The following CRACDL variants were observed in gnomAD, a reference collection of about 807,000 sequenced individuals.
CRACDL encodes CRACD-like protein.
In CRACDL, 26 loss-of-function variants were observed where a neutral mutation model predicts 70.6. The ratio of observed to expected loss-of-function variants is 0.37; its 90% CI spans 0.27 to 0.51. CRACDL has a LOEUF of 0.51. Among genes scored for constraint, CRACDL ranks in the 20% least tolerant of loss-of-function variants. The pLI is 0.94. For synonymous variants in CRACDL, 618 were observed against 615.2 expected (o/e 1.00, Z -0.07); for missense variants, 1,283 against 1,376.9 (o/e 0.93, Z 1.08).
rs369616356 is a variant in CRACDL, at chr2:98,797,447, C to T, written c.2507G>A (p.Gly836Glu). Residue 836 changes from glycine to glutamate, a missense_variant, in exon 8 of 10, where the codon GGG (glycine) becomes GAG (glutamate). Gly to Glu is a moderately conservative substitution (Grantham distance 98). Transcript: ENST00000397899. ...WITVTRQKRRGTLDQPPNQED... is the reference protein window; with the variant it reads ...WITVTRQKRRETLDQPPNQED... ...CTGGTTGGGTGGCTGGTCCAAGGTC[C>T]CCCTCCGCTTCTGCCGAGTGACGGT... 6.2e-7 allele frequency: 1 copy of T among 1,614,218 alleles called. No homozygotes were observed. The highest frequency in any genetic ancestry group is 8.5e-7 in the Non-Finnish European group (1 of 1,180,038).
chr2:98,815,365 C>A (rs1207919536), intron 7 of CRACDL, among the ~76,000 whole-genome samples: 1 of 152,210 alleles, frequency 6.6e-6, no homozygotes, highest in African/African-American at 2.4e-5. Context: ...CAGGGATGAG[C>A]CCAGAACTTC....
intron 1 of CRACDL, among the ~76,000 whole-genome samples, chr2:98,864,927 G>T (rs1375064283): frequency 2.0e-5 from 3 of 152,176 alleles, no homozygotes; most frequent in Non-Finnish European, 2.9e-5. Flanking sequence ...ATGAAATAAA[G>T]ACATTTTCAG....
chr2:98,869,731 C>A (rs1314956234), intron 1 of CRACDL, among the ~76,000 whole-genome samples: 5 of 152,198 alleles, frequency 3.3e-5, no homozygotes, highest in Non-Finnish European at 7.3e-5. Flanking sequence ...TGCGAGGGAC[C>A]CTGTGGGAGG....
At chr2:98,854,279 C>CAAAAAAA (rs1229198569) in intron 1 of CRACDL, among the ~76,000 whole-genome samples, 1 of 54,206 alleles carries the variant, frequency 1.8e-5, no homozygotes, top group African/African-American at 6.5e-5. Flanking sequence ...GACTCTGTCT[C>CAAAAAAA]AAAAAAAAAA....
In CRACDL at chr2:98,797,463, G is replaced by A. The variant is rs1236541210; in HGVS notation, c.2491C>T (p.Arg831Trp). The change falls in exon 8 of 10, where the codon CGG (arginine) becomes TGG (tryptophan). Residue 831 changes from arginine to tryptophan, a missense_variant. Physicochemically the swap from Arg to Trp is moderately radical, Grantham distance 101. Around this residue, in one of 2 missense-constraint regions of CRACDL, gnomAD observed 921 missense variants for 881.9 expected, o/e 1.04. Coordinates refer to ENST00000397899, the MANE Select transcript of CRACDL (RefSeq NM_207362.3). ...TCCAAGGTCCCCCTCCGCTTCTGCCGAGTGACGGTGATCCAGGGTGGCGCA... is the reference window on the plus strand; with the variant it reads ...TCCAAGGTCCCCCTCCGCTTCTGCCAAGTGACGGTGATCCAGGGTGGCGCA... Reference protein sequence around the residue: ...QPAPPWITVTRQKRRGTLDQP... With the variant: ...QPAPPWITVTWQKRRGTLDQP... 9.9e-6 allele frequency: 16 copies of A among 1,614,100 alleles called. No individual in the cohort carries two copies. The highest frequency in any genetic ancestry group is 2.7e-5 in the African/African-American group (2 of 74,938).
In CRACDL at chr2:98,822,925, C is replaced by T; in HGVS notation, c.1348G>A (p.Glu450Lys). The change falls in exon 7 of 10, where the codon GAG becomes AAG. Residue 450 changes from glutamate (E) to lysine (K), a missense_variant. Glu to Lys is a moderately conservative substitution (Grantham distance 56). This residue lies in a region of CRACDL where 921 missense variants were observed against 881.9 expected (regional missense o/e 1.04). Transcript: ENST00000397899. The surrounding 1 kb of genome is among the most constrained non-coding windows in gnomAD (Gnocchi z 4.9). ...EPTPPVLPDE[E>K]KGPPGPAPEP... ...GGCGCCGGCCCTGGGGGCCCCTTCT[C>T]CTCATCCGGGAGCACGGGCGGCGTC... 6.8e-7 allele frequency: 1 copy of T among 1,470,412 alleles called. No individual in the cohort carries two copies. Among genetic ancestry groups the T allele is most frequent in the Non-Finnish European group, 8.9e-7 (1 of 1,118,578 alleles). The allele number at this position is 1,470,412 out of a possible 1,614,324, so 91.1% of individuals were successfully genotyped here.
chr2:98,833,926 A>G (rs977641661), intron 3 of CRACDL, among the ~76,000 whole-genome samples: 5 of 152,176 alleles, frequency 3.3e-5, no homozygotes, highest in African/African-American at 9.7e-5. Context: ...GCCCTGTCCA[A>G]CTGTAGATCA....
intron 7 of CRACDL, among the ~76,000 whole-genome samples, chr2:98,805,920 T>A (rs1213553769): frequency 6.6e-6 from 1 of 152,226 alleles, no homozygotes; most frequent in Non-Finnish European, 1.5e-5. Flanking sequence ...CAACTCCACA[T>A]GGCAGAAAGA....
At chr2:98,812,776 ATATGTAGTTTGCCTATCTTT>A (rs1704628015) in intron 7 of CRACDL, among the ~76,000 whole-genome samples, 1 of 151,146 alleles carries the variant, frequency 6.6e-6, no homozygotes, top group East Asian at 1.9e-4. Context: ...CCTTTATAGG[ATATGTAGTTTGCCTATCTTT>A]TCTTGCAGTT....
chr2:98,916,863 G>A (rs759372582), intron 1 of CRACDL, among the ~76,000 whole-genome samples: 3 of 152,134 alleles, frequency 2.0e-5, no homozygotes, highest in South Asian at 4.1e-4. Flanking sequence ...GAGCCTACCC[G>A]GGGTCAGCAC....
Position 98,823,133 on chromosome 2 carries a change from C to T in CRACDL, c.1140G>A (p.Pro380=), listed in dbSNP as rs905422583. The change falls in exon 7 of 10, where the codon CCG becomes CCA. Residue 380 remains proline, a synonymous_variant. Transcript: ENST00000397899. The surrounding 1 kb of genome is among the most constrained non-coding windows in gnomAD (Gnocchi z 4.0). ...KQDGEAPPAG[P]CAPATDKAEE... is the part of the protein sequence containing the mutation. ...CCGCCTTGTCCGTGGCCGGGGCACACGGGCCTGCGGGGGGCGCCTCCCCAT... is the reference window on the plus strand; with the variant it reads ...CCGCCTTGTCCGTGGCCGGGGCACATGGGCCTGCGGGGGGCGCCTCCCCAT... 4 of 1,563,366 alleles carry T rather than the reference C, an allele frequency of 2.6e-6. No individual in the cohort carries two copies. Among genetic ancestry groups the T allele is most frequent in the Middle Eastern group, 1.7e-4 (1 of 5,878 alleles).
chr2:98,928,274 C>T (rs931211603), intron 1 of CRACDL, among the ~76,000 whole-genome samples: 3 of 152,158 alleles, frequency 2.0e-5, no homozygotes, highest in South Asian at 2.1e-4. Flanking sequence ...TGTATGTTAG[C>T]GCATATACGT....
intron 1 of CRACDL, among the ~76,000 whole-genome samples, chr2:98,921,206 A>C (rs1242773762): frequency 2.0e-5 from 3 of 152,212 alleles, no homozygotes; most frequent in African/African-American, 7.2e-5. Context: ...TCTCAGCCCC[A>C]GTCACAGAGC....
In CRACDL at chr2:98,798,443, CAAAAAAAA is replaced by C. The variant is rs70940125; in HGVS notation, c.2417-914_2417-907del. Among the ~76,000 whole-genome samples the C allele has an allele frequency of 8.3e-4, 37 of 44,350 alleles. No individual in the cohort carries two copies. The East Asian group carries it at 0.032, about 39-fold the overall frequency. The allele number at this position is 44,350 out of a possible 152,430, so 29.1% of individuals were successfully genotyped here. ...TGGGCGACAGAGCGAGACTCCGTCT[CAAAAAAAA>C]AAAAAAAAAAAAAAAAAAAAAAAGA... On this transcript the variant is annotated intron_variant, in intron 7 of 9. Transcript: ENST00000397899.
chr2:98,814,615 T>C (rs924004735), intron 7 of CRACDL, among the ~76,000 whole-genome samples: 4 of 152,140 alleles, frequency 2.6e-5, no homozygotes, highest in African/African-American at 9.6e-5. Context: ...CCATGTGCAC[T>C]TGAAAAGAAC....
At chr2:98,820,919 C>T (rs1395772699) in intron 7 of CRACDL, among the ~76,000 whole-genome samples, 2 of 152,030 alleles carry the variant, frequency 1.3e-5, no homozygotes, top group Non-Finnish European at 2.9e-5. Context: ...TCAGAAGGAC[C>T]CTAATAGAGG....
chr2:98,795,077 A>ATATATATATATATATATATTTTTTT, intron 9 of CRACDL, among the ~76,000 whole-genome samples: 4 of 58,504 alleles, frequency 6.8e-5, no homozygotes, highest in Non-Finnish European at 9.4e-5. Flanking sequence ...ATATATATAT[A>ATATATATATATATATATATTTTTTT]TTTTTTTTTT....
intron 1 of CRACDL, among the ~76,000 whole-genome samples, chr2:98,931,330 A>G (rs112508199): frequency 1.3e-5 from 2 of 150,842 alleles, no homozygotes; most frequent in African/African-American, 4.9e-5. Context: ...ATCTCAAAAA[A>G]AAAAAAAAAA....
rs577555384 is a variant in CRACDL at position 98,819,186 on chromosome 2, T to C, written c.2416+2671A>G. On this transcript the variant is annotated intron_variant, in intron 7 of 9. Coordinates refer to ENST00000397899, the MANE Select transcript of CRACDL (RefSeq NM_207362.3). ...TTTACAGATTATCCCAGGCATTTTA[T>C]AGTGAAGAAAGCCTGGCTTAGGTTG... Among the ~76,000 whole-genome samples the C allele has an allele frequency of 3.3e-5, 5 of 152,334 alleles. No individual in the cohort carries two copies. The South Asian group carries it at 6.2e-4, about 19-fold the overall frequency.
Sources: gnomAD v4.1 joint callset for allele counts (sites outside exome capture counted in the v4.1 genomes callset) on GRCh38, gnomAD v4.1.1 for gene constraint, gnomAD v4.1.1 regional missense constraint, Gnocchi (gnomAD v3.1) non-coding constraint, MANE v1.5 for transcripts, NCBI Gene and HGNC (gene_info 2026-07-23, HGNC 2026-07-21) for gene names.